TMPRSS11E: variants seen among roughly 807,000 people sequenced by gnomAD.
TMPRSS11E encodes transmembrane protease serine 11E.
A neutral mutation model predicts 48.1 loss-of-function variants in TMPRSS11E; 38 were observed. The ratio of observed to expected loss-of-function variants is 0.79; its 90% confidence interval spans 0.61 to 1.04. The LOEUF (loss-of-function observed/expected upper bound fraction) is 1.04, where lower values mean the gene tolerates loss of function less well. TMPRSS11E is among the 50% of genes least tolerant of loss of function. TMPRSS11E has a pLI of 0.00. For synonymous variants in TMPRSS11E, 158 were observed against 171.9 expected (o/e 0.92, Z 0.63); for missense variants, 530 against 510.8 (o/e 1.04, Z -0.36).
At chr4:68,477,663 A>G in intron 8 of TMPRSS11E, 35 bp downstream of exon 8, 2 of 1,605,692 alleles carry the variant, frequency 1.2e-6, no homozygotes, top group South Asian at 1.1e-5. Flanking sequence ...GTAAAAGTTA[A>G]ATTGGTATTT....
chr4:68,491,933 T>C (rs1301588417), intron 9 of TMPRSS11E, among the ~76,000 whole-genome samples: 5 of 152,244 alleles, frequency 3.3e-5, no homozygotes, highest in African/African-American at 1.2e-4. Context: ...ACTATAGTTC[T>C]TTCCCAACTT....
chr4:68,488,870 T>C (rs1233390839), intron 9 of TMPRSS11E, among the ~76,000 whole-genome samples: 1 of 152,240 alleles, frequency 6.6e-6, no homozygotes, highest in African/African-American at 2.4e-5. Flanking sequence ...CAATTTCATC[T>C]TTCAGCTCTT....
chr4:68,450,202 C>T (rs993214992), intron 1 of TMPRSS11E, among the ~76,000 whole-genome samples: 58 of 151,990 alleles, frequency 3.8e-4, no homozygotes, highest in African/African-American at 1.3e-3. Flanking sequence ...CAGCCCTGAT[C>T]CATATAACAA....
At chr4:68,496,528 C>A in intron 9 of TMPRSS11E, 115 bp from the exon 10 acceptor site, 1 of 1,043,606 alleles carries the variant, frequency 9.6e-7, no homozygotes, top group Non-Finnish European at 1.4e-6. Context: ...TGCATGCGAA[C>A]ACACGGAATA....
intron 1 of TMPRSS11E, among the ~76,000 whole-genome samples, chr4:68,451,141 T>C (rs1046311995): frequency 4.0e-5 from 6 of 151,868 alleles, no homozygotes; most frequent in Non-Finnish European, 1.5e-5. Context: ...GTGAAGCAGG[T>C]CTTCTGGAAG....
In TMPRSS11E at chr4:68,477,476, C is replaced by T. The variant is rs766774566; in HGVS notation, c.815C>T (p.Pro272Leu). 1.2e-6 allele frequency: 2 copies of T among 1,613,984 alleles called. No individual in the cohort carries two copies. The highest frequency in any genetic ancestry group is 1.6e-4 in the Middle Eastern group (1 of 6,062). ...ATTGTCCATGAAAAATACAAACACC[C>T]ATCACATGACTATGATATTTCTCTT... ...RIIVHEKYKH[P>L]SHDYDISLAE... The change falls in exon 8 of 10, where the codon CCA becomes CTA. Residue 272 changes from proline (P) to leucine (L), a missense_variant. Pro to Leu is a moderately conservative substitution (Grantham distance 98). Coordinates refer to ENST00000305363, the MANE Select transcript of TMPRSS11E (RefSeq NM_014058.4).
chr4:68,478,147 A>ATTTTTTTTTTTTTTTTTTTTTTTTTTTT (rs879193345), intron 8 of TMPRSS11E, among the ~76,000 whole-genome samples: 2 of 90,532 alleles, frequency 2.2e-5, no homozygotes. Context: ...CTGTATCACT[A>ATTTTTTTTTTTTTTTTTTTTTTTTTTTT]TCTTTTTTTT....
chr4:68,485,399 G>A (rs1339070578), intron 9 of TMPRSS11E, among the ~76,000 whole-genome samples: 2 of 152,114 alleles, frequency 1.3e-5, no homozygotes, highest in Middle Eastern at 3.4e-3. Flanking sequence ...CACACATCTC[G>A]GCCTCCCAAA....
rs1233509586 is a variant in TMPRSS11E, at chr4:68,466,592, G to A, written c.137-39G>A. 3.7e-6 allele frequency: 6 copies of A among 1,604,316 alleles called. No homozygotes were observed. In the East Asian group the frequency reaches 1.3e-4, roughly 36 times the overall value. ...ATATAATGATGCTTTACACACATCT[G>A]ATAAAAATTATGATAGTGTTTTGCT... On this transcript the variant is annotated intron_variant, in intron 2 of 9. Coordinates refer to ENST00000305363, the MANE Select transcript of TMPRSS11E (RefSeq NM_014058.4).
intron 3 of TMPRSS11E, among the ~76,000 whole-genome samples, chr4:68,468,567 A>G (rs1728981909): frequency 6.6e-6 from 1 of 152,096 alleles, no homozygotes; most frequent in African/African-American, 2.4e-5. Flanking sequence ...ACTTCAGAGT[A>G]AAATTTCTCA....
rs766831012 is a variant in TMPRSS11E at position 68,496,721 on chromosome 4, G to GA, written c.1191dup (p.Cys398MetfsTer12). On this transcript the variant is annotated frameshift_variant, in exon 10 of 10. Coordinates refer to ENST00000305363, the MANE Select transcript of TMPRSS11E (RefSeq NM_014058.4). LOFTEE classifies it high-confidence loss of function. ...TGCTGGAATAGTGAGCTGGGGAGAT[G>GA]AATGTGCGAAACCCAACAAGCCTGG... The GA allele has an allele frequency of 2.5e-5, 41 of 1,613,602 alleles. 1 individual carries two copies. In the Admixed American group the frequency reaches 6.8e-4, roughly 27 times the overall value.
chr4:68,490,854 G>A (rs947003363), intron 9 of TMPRSS11E, among the ~76,000 whole-genome samples: 1 of 139,410 alleles, frequency 7.2e-6, no homozygotes, highest in African/African-American at 2.7e-5. Context: ...TGCCTCCTAG[G>A]TTCCAGCAAT....
chr4:68,478,837 T>C lies in TMPRSS11E; in HGVS notation c.968-12T>C. ...GTATGTCTACAAATACAAAGACTTT[T>C]TTTTCTTTTAGGTTACAGTCAAAAT... On this transcript the variant is annotated splice_polypyrimidine_tract_variant and intron_variant, in intron 8 of 9. Transcript: ENST00000305363. 1 of 1,610,620 alleles carries C rather than the reference T, an allele frequency of 6.2e-7. No homozygotes were observed. The highest frequency in any genetic ancestry group is 8.5e-7 in the Non-Finnish European group (1 of 1,179,118).
At chr4:68,454,434 A>G (rs1467230758) in intron 1 of TMPRSS11E, among the ~76,000 whole-genome samples, 1 of 151,968 alleles carries the variant, frequency 6.6e-6, no homozygotes, top group Admixed American at 6.6e-5. Flanking sequence ...AAATGCCAAT[A>G]TATTAGAACG....
chr4:68,489,251 T>C (rs146601929), intron 9 of TMPRSS11E, among the ~76,000 whole-genome samples: 314 of 152,338 alleles, frequency 2.1e-3, no homozygotes, highest in African/African-American at 7.1e-3. Context: ...ACTCCTGGGC[T>C]GCATGCTGTA....
In TMPRSS11E at chr4:68,447,468, G is replaced by T. The variant is rs1363081181; in HGVS notation, c.-45G>T. On this transcript the variant is annotated 5_prime_UTR_variant, in exon 1 of 10. Coordinates refer to ENST00000305363, the MANE Select transcript of TMPRSS11E (RefSeq NM_014058.4). ...TGATAGAGCTGGATTCACACACTTG[G>T]ATGTAGACCTCGACCTTCACAGGAC... 6.2e-7 allele frequency: 1 copy of T among 1,601,950 alleles called. No homozygotes were observed. Among genetic ancestry groups the T allele is most frequent in the Non-Finnish European group, 8.5e-7 (1 of 1,173,258 alleles).
chr4:68,480,349 T>C (rs1729368990), intron 9 of TMPRSS11E, among the ~76,000 whole-genome samples: 2 of 152,114 alleles, frequency 1.3e-5, no homozygotes, highest in South Asian at 4.1e-4. Context: ...GTTTTTGAGA[T>C]TGGGTAATTT....
At chr4:68,466,588 A>T (rs1371593367) in intron 2 of TMPRSS11E, 43 bp from the exon 3 acceptor site, 3 of 1,603,684 alleles carry the variant, frequency 1.9e-6, no homozygotes, top group Non-Finnish European at 1.7e-6. Flanking sequence ...CTTTACACAC[A>T]TCTGATAAAA....
intron 5 of TMPRSS11E, among the ~76,000 whole-genome samples, chr4:68,473,586 A>G (rs1435355905): frequency 6.6e-6 from 1 of 152,128 alleles, no homozygotes; most frequent in Non-Finnish European, 1.5e-5. Context: ...ATTGAACTTC[A>G]TTTTCAAAAC....
Sources: allele counts gnomAD v4.1 joint callset (sites outside exome capture counted in the v4.1 genomes callset), GRCh38; gene constraint gnomAD v4.1.1; transcripts MANE v1.5; gene names NCBI Gene and HGNC (gene_info 2026-07-23, HGNC 2026-07-21).